The following ITGA9 variants were observed in gnomAD, a reference collection of about 807,000 sequenced individuals.
ITGA9 encodes integrin subunit alpha 9, also known as integrin alpha-9.
ITGA9 carries 56 observed loss-of-function variants against 127.8 expected under a neutral mutation model. That is an observed-to-expected ratio of 0.44 (90% CI 0.35 to 0.55). ITGA9 has a LOEUF of 0.55. Among genes scored for constraint, ITGA9 ranks in the 20% least tolerant of loss-of-function variants. ITGA9 has a pLI of 0.00. For synonymous variants in ITGA9, 508 were observed against 514.5 expected, an observed-to-expected ratio of 0.99 and a Z score of 0.17; for missense variants, 1,196 against 1,347.1, an observed-to-expected ratio of 0.89 and a Z score of 1.76.
chr3:37,552,851 C>T (rs1001261934), intron 15 of ITGA9, among the ~76,000 whole-genome samples: 1 of 151,966 alleles, frequency 6.6e-6, no homozygotes, highest in Admixed American at 6.6e-5. Context: ...CCCGTTTCTA[C>T]TAAAATTACA....
At chr3:37,546,244 A>G (rs1256722750) in intron 15 of ITGA9, among the ~76,000 whole-genome samples, 1 of 152,212 alleles carries the variant, frequency 6.6e-6, no homozygotes, top group Non-Finnish European at 1.5e-5. Context: ...AGTTGCTGAT[A>G]AAGCGCCCAC....
intron 15 of ITGA9, among the ~76,000 whole-genome samples, chr3:37,553,244 C>T (rs267529): frequency 0.4 from 60,672 of 152,002 alleles, 14,179 homozygotes; most frequent in East Asian, 0.72. Flanking sequence ...CATTCTTTTA[C>T]GTAACCATAG....
intron 3 of ITGA9, among the ~76,000 whole-genome samples, chr3:37,477,411 T>G (rs1485070271): frequency 6.6e-6 from 1 of 152,208 alleles, no homozygotes; most frequent in East Asian, 1.9e-4. Flanking sequence ...AAAGGCATTA[T>G]GTGGACCATG....
intron 18 of ITGA9, among the ~76,000 whole-genome samples, chr3:37,726,963 TA>T (rs1696214002): frequency 6.6e-6 from 1 of 152,200 alleles, no homozygotes; most frequent in Non-Finnish European, 1.5e-5. Flanking sequence ...GAAAATATCA[TA>T]AGTTGAAAAT....
At chr3:37,512,135 T>C (rs1242514008) in intron 8 of ITGA9, among the ~76,000 whole-genome samples, 8 of 11,588 alleles carry the variant, frequency 6.9e-4, no homozygotes, top group African/African-American at 2.4e-3. Flanking sequence ...TTTTCTTTTC[T>C]TTTCTTTTCT....
chr3:37,507,164 G>C (rs954175057), intron 7 of ITGA9, among the ~76,000 whole-genome samples: 15 of 152,166 alleles, frequency 9.9e-5, no homozygotes, highest in Non-Finnish European at 2.2e-4. Flanking sequence ...CCAGGGCCCT[G>C]AGCTGGCAGG....
chr3:37,490,973 CG>C (rs1450928908), intron 4 of ITGA9, among the ~76,000 whole-genome samples: 1,980 of 133,204 alleles, frequency 0.015, 58 homozygotes, highest in African/African-American at 0.051. Flanking sequence ...GCTTCCCCCC[CG>C]CTTTTTTTTT....
At chr3:37,815,249 C>T (rs1042777397) in intron 27 of ITGA9, among the ~76,000 whole-genome samples, 1 of 152,192 alleles carries the variant, frequency 6.6e-6, no homozygotes, top group East Asian at 1.9e-4. Flanking sequence ...CTGTCTATGT[C>T]AAATCCTTAC....
At chr3:37,459,787 A>G (rs953041359) in intron 1 of ITGA9, among the ~76,000 whole-genome samples, 1 of 152,210 alleles carries the variant, frequency 6.6e-6, no homozygotes, top group Non-Finnish European at 1.5e-5. Context: ...GCGCTCAAAC[A>G]TCTGTCTTGT....
chr3:37,738,849 G>C (rs1696397998), intron 20 of ITGA9, among the ~76,000 whole-genome samples: 1 of 152,214 alleles, frequency 6.6e-6, no homozygotes, highest in Non-Finnish European at 1.5e-5. Context: ...CAGTCAGAGA[G>C]GGCAGGGAAC....
At chr3:37,483,449 G>A (rs1698577185) in intron 4 of ITGA9, among the ~76,000 whole-genome samples, 1 of 152,134 alleles carries the variant, frequency 6.6e-6, no homozygotes, top group Non-Finnish European at 1.5e-5. Flanking sequence ...CTGATTACAG[G>A]TATTTTATTT....
At chr3:37,691,675 C>T (rs1190217700) in intron 18 of ITGA9, among the ~76,000 whole-genome samples, 2 of 152,138 alleles carry the variant, frequency 1.3e-5, no homozygotes, top group Admixed American at 6.5e-5. Context: ...TGTTCTAGTC[C>T]GGATCTGCAT....
At chr3:37,808,054 G>A (rs1458019154) in intron 27 of ITGA9, 4 of 152,170 alleles carry the variant, frequency 2.6e-5, no homozygotes, top group African/African-American at 4.8e-5. Context: ...CCAGCAGAAG[G>A]AAGGTCAACA....
chr3:37,636,072 A>G (rs1700275575), intron 16 of ITGA9, among the ~76,000 whole-genome samples: 2 of 152,050 alleles, frequency 1.3e-5, no homozygotes, highest in South Asian at 4.1e-4. Flanking sequence ...TGCTATTGTG[A>G]ATAGTGCTGC....
intron 15 of ITGA9, among the ~76,000 whole-genome samples, chr3:37,546,365 A>T (rs1391820299): frequency 6.6e-6 from 1 of 152,220 alleles, no homozygotes. Context: ...CTGCAGGGGA[A>T]TTGACTGGGA....
intron 1 of ITGA9, among the ~76,000 whole-genome samples, chr3:37,467,176 G>A (rs139957047): frequency 2.0e-3 from 304 of 152,298 alleles, no homozygotes; most frequent in African/African-American, 7.2e-3. Flanking sequence ...GCACATTCCC[G>A]CGTGCCACCT....
chr3:37,572,146 G>A (rs1478847936), intron 15 of ITGA9, among the ~76,000 whole-genome samples: 2 of 152,000 alleles, frequency 1.3e-5, no homozygotes, highest in Non-Finnish European at 2.9e-5. Flanking sequence ...CTCTGAGGAT[G>A]GATGCGTGTC....
intron 27 of ITGA9, among the ~76,000 whole-genome samples, chr3:37,813,764 C>T (rs1003071154): frequency 2.6e-5 from 4 of 151,784 alleles, no homozygotes; most frequent in African/African-American, 9.7e-5. Context: ...GAGTCCTAGA[C>T]TTACTTAGCA....
At chr3:37,536,317 A>G (rs1375637879) in intron 14 of ITGA9, among the ~76,000 whole-genome samples, 1 of 152,250 alleles carries the variant, frequency 6.6e-6, no homozygotes, top group East Asian at 1.9e-4. Context: ...AATGAGTGCC[A>G]GCCCTGGGCA....
Sources: gnomAD v4.1 joint callset for allele counts (sites outside exome capture counted in the v4.1 genomes callset) on GRCh38, gnomAD v4.1.1 for gene constraint, MANE v1.5 for transcripts, NCBI Gene and HGNC (gene_info 2026-07-23, HGNC 2026-07-21) for gene names.